The following SEC22A variants were observed in gnomAD, a reference collection of about 807,000 sequenced individuals.
The protein encoded by SEC22A is SEC22 homolog A, vesicle trafficking protein.
SEC22A carries 22 observed loss-of-function variants against 35.3 expected under a neutral mutation model. The observed-to-expected ratio is 0.62, with a 90% CI of 0.45 to 0.89. The LOEUF (loss-of-function observed/expected upper bound fraction) is 0.89, where lower values mean the gene tolerates loss of function less well. Ranked by LOEUF, SEC22A falls within the 40% of genes least tolerant of loss-of-function variation. The pLI, the probability that SEC22A is intolerant of heterozygous loss-of-function variation, is 0.00. For missense variants in SEC22A, 354 were observed against 362.5 expected, an observed-to-expected ratio of 0.98 and a Z score of 0.19; for synonymous variants, 119 against 129.5, an observed-to-expected ratio of 0.92 and a Z score of 0.55.
In SEC22A at chr3:123,269,215, G is replaced by GTATA. The variant is rs1553713614; in HGVS notation, c.724-2303_724-2300dup. ...TGTGTGTGTGTGTGTGTGTGTGTGTGTATATATTACTGGAAATGCTAGCTC... is the reference window on the plus strand; with the variant it reads ...TGTGTGTGTGTGTGTGTGTGTGTGTGTATATATATATTACTGGAAATGCTAGCTC... On this transcript the variant is annotated intron_variant, in intron 6 of 6. Transcript: ENST00000492595. Among the ~76,000 whole-genome samples, 218 of 136,884 alleles carry GTATA rather than the reference G, an allele frequency of 1.6e-3. 1 individual carries two copies. The highest frequency in any genetic ancestry group is 5.2e-3 in the African/African-American group (188 of 36,250). 89.8% of individuals were successfully genotyped at this position (136,884 alleles called of 152,430 possible).
intron 6 of SEC22A, among the ~76,000 whole-genome samples, chr3:123,267,934 T>C (rs911693250): frequency 3.3e-5 from 5 of 152,224 alleles, no homozygotes; most frequent in African/African-American, 1.2e-4. Flanking sequence ...CCCACTGTCT[T>C]GTTACCGATG....
intron 4 of SEC22A, among the ~76,000 whole-genome samples, chr3:123,235,040 G>T (rs1184927174): frequency 6.7e-6 from 1 of 148,536 alleles, no homozygotes; most frequent in African/African-American, 2.5e-5. Context: ...AAAAAAAATA[G>T]ATAAGGTGGA....
intron 4 of SEC22A, among the ~76,000 whole-genome samples, chr3:123,235,966 A>G (rs2108064733): frequency 6.6e-6 from 1 of 152,330 alleles, no homozygotes; most frequent in African/African-American, 2.4e-5. Context: ...CATATTAATC[A>G]TTCTCTTTAT....
At position 123,237,941 on chromosome 3, in the gene SEC22A, T is replaced by G. The variant is rs368719758; in HGVS notation, c.542-7958T>G. ...CCAGGGTGGGAGGATGGTTTGAGCC[T>G]AGGTGTTTGAGACCAGCCTGGACAA... is the stretch of plus-strand genomic sequence containing the variant. On this transcript the variant is annotated intron_variant, in intron 4 of 6. Coordinates refer to ENST00000492595, the MANE Select transcript of SEC22A (RefSeq NM_012430.5). Among the ~76,000 whole-genome samples the G allele has an allele frequency of 9.7e-4, 148 of 152,170 alleles. 5 individuals carry two copies. In the South Asian group the frequency reaches 0.03, roughly 30 times the overall value.
chr3:123,218,163 G>T (rs1442689191), intron 2 of SEC22A, among the ~76,000 whole-genome samples: 1 of 152,086 alleles, frequency 6.6e-6, no homozygotes, highest in African/African-American at 2.4e-5. Flanking sequence ...GATTAGAAGG[G>T]GTAAATCTCC....
At chr3:123,240,770 G>A (rs953895) in intron 4 of SEC22A, among the ~76,000 whole-genome samples, 43,601 of 151,728 alleles carry the variant, frequency 0.29, 7,114 homozygotes, top group African/African-American at 0.45. Flanking sequence ...CATCTTCACC[G>A]ACATTTAGTG....
At chr3:123,265,974 G>T (rs148789274) in intron 6 of SEC22A, among the ~76,000 whole-genome samples, 3 of 152,082 alleles carry the variant, frequency 2.0e-5, no homozygotes, top group African/African-American at 4.8e-5. Context: ...AATTTTCTTA[G>T]TAGTTTTATA....
chr3:123,222,312 C>A (rs1311917785), intron 2 of SEC22A, among the ~76,000 whole-genome samples: 3 of 152,076 alleles, frequency 2.0e-5, no homozygotes, highest in Non-Finnish European at 4.4e-5. Context: ...GATTCTCCTG[C>A]CTCAGCCTCC....
chr3:123,241,172 A>G (rs1056285195), intron 4 of SEC22A, among the ~76,000 whole-genome samples: 9 of 152,250 alleles, frequency 5.9e-5, no homozygotes, highest in Admixed American at 3.3e-4. Context: ...GGGAAATACA[A>G]TCCAATAAGT....
chr3:123,264,544 T>C (rs1207942922), intron 6 of SEC22A, among the ~76,000 whole-genome samples: 1 of 152,190 alleles, frequency 6.6e-6, no homozygotes, highest in Admixed American at 6.5e-5. Context: ...CTTGCGTTGT[T>C]TAACATCATT....
chr3:123,206,113 T>G (rs1251683122), intron 1 of SEC22A, among the ~76,000 whole-genome samples: 2 of 152,170 alleles, frequency 1.3e-5, no homozygotes, highest in Non-Finnish European at 2.9e-5. Context: ...CAGTCTACTT[T>G]TATTTTACTT....
intron 5 of SEC22A, among the ~76,000 whole-genome samples, chr3:123,255,922 C>CTTTTT (rs35426251): frequency 7.0e-6 from 1 of 143,750 alleles, no homozygotes; most frequent in African/African-American, 2.5e-5. Flanking sequence ...TTTCTTCTTT[C>CTTTTT]TTTTTTTTTT....
chr3:123,218,009 T>C (rs1937063159), intron 2 of SEC22A, among the ~76,000 whole-genome samples: 1 of 152,250 alleles, frequency 6.6e-6, no homozygotes, highest in South Asian at 2.1e-4. Flanking sequence ...ATTGGTGATA[T>C]GTAAAATTTC....
chr3:123,266,176 A>G (rs192767155), intron 6 of SEC22A, among the ~76,000 whole-genome samples: 3 of 152,056 alleles, frequency 2.0e-5, no homozygotes, highest in South Asian at 2.1e-4. Context: ...GGTAATTTGC[A>G]TGTTCTCTCT....
intron 4 of SEC22A, among the ~76,000 whole-genome samples, chr3:123,226,932 C>G (rs1381370289): frequency 6.6e-6 from 1 of 152,056 alleles, no homozygotes; most frequent in East Asian, 1.9e-4. Context: ...AAACATTTTT[C>G]TAGAAATGAA....
intron 5 of SEC22A, among the ~76,000 whole-genome samples, chr3:123,249,306 TATTA>T (rs1937591667): frequency 1.3e-5 from 2 of 152,004 alleles, no homozygotes; most frequent in South Asian, 4.2e-4. Flanking sequence ...CATGATTGAT[TATTA>T]ATTCATTCTC....
chr3:123,255,442 T>A (rs1018700430), intron 5 of SEC22A, among the ~76,000 whole-genome samples: 4 of 152,046 alleles, frequency 2.6e-5, no homozygotes, highest in African/African-American at 9.7e-5. Context: ...TAATGGCCTT[T>A]TTGAAAAAAT....
chr3:123,248,800 G>A (rs1385537630), intron 5 of SEC22A, among the ~76,000 whole-genome samples: 2 of 152,214 alleles, frequency 1.3e-5, no homozygotes, highest in Non-Finnish European at 2.9e-5. Flanking sequence ...GTACTCTCAC[G>A]ATTCTCAATA....
chr3:123,265,127 T>C (rs1399654323), intron 6 of SEC22A, among the ~76,000 whole-genome samples: 5 of 152,198 alleles, frequency 3.3e-5, no homozygotes, highest in Non-Finnish European at 4.4e-5. Context: ...TTCTTTTCAT[T>C]CCGTAAAGAA....
Sources: allele counts gnomAD v4.1 joint callset (sites outside exome capture counted in the v4.1 genomes callset), GRCh38; gene constraint gnomAD v4.1.1; transcripts MANE v1.5; gene names NCBI Gene and HGNC (gene_info 2026-07-23, HGNC 2026-07-21).